Variants in APBB2 observed in about 807,000 individuals in gnomAD.
APBB2 encodes amyloid beta precursor protein binding family B member 2.
APBB2 carries 38 observed loss-of-function variants against 82.5 expected under a neutral mutation model. The observed-to-expected ratio is 0.46, with a 90% CI of 0.36 to 0.60. The LOEUF is 0.60. Ranked by LOEUF, APBB2 falls within the 20% of genes least tolerant of loss-of-function variation. APBB2 has a pLI of 0.00. For missense variants in APBB2, 772 were observed against 972.3 expected, an observed-to-expected ratio of 0.79 and a Z score of 2.74; for synonymous variants, 341 against 368.2, an observed-to-expected ratio of 0.93 and a Z score of 0.85.
chr4:41,064,361 C>G lies in APBB2; in HGVS notation c.-51+1215G>C, dbSNP rs529886547. On this transcript the variant is annotated intron_variant, in intron 4 of 17. Transcript: ENST00000508593. ...CATAACTTTCCTATAAAGAAAAAAA[C>G]TGAGCTGCACAAGGTAATAGGACTT... Among the ~76,000 whole-genome samples, 13 of 152,240 alleles carry G rather than the reference C, an allele frequency of 8.5e-5. No homozygotes were observed. In the South Asian group the frequency reaches 2.7e-3, roughly 32 times the overall value.
chr4:41,065,349 G>A (rs1051956982), intron 4 of APBB2, among the ~76,000 whole-genome samples: 2 of 152,088 alleles, frequency 1.3e-5, no homozygotes, highest in African/African-American at 4.8e-5. Context: ...GGAGATTGTT[G>A]ACATACACTT....
At chr4:41,202,145 G>A (rs1776852516) in intron 1 of APBB2, among the ~76,000 whole-genome samples, 1 of 152,162 alleles carries the variant, frequency 6.6e-6, no homozygotes, top group African/African-American at 2.4e-5. Flanking sequence ...GTTGTACAAT[G>A]ATCACCACCA....
intron 12 of APBB2, among the ~76,000 whole-genome samples, chr4:40,839,480 A>C (rs1364118944): frequency 6.6e-6 from 1 of 152,056 alleles, no homozygotes; most frequent in Non-Finnish European, 1.5e-5. Context: ...ATTTGATAAC[A>C]TCTTTCACAT....
At chr4:41,012,617 T>C (rs1256928422) in intron 6 of APBB2, among the ~76,000 whole-genome samples, 3 of 152,196 alleles carry the variant, frequency 2.0e-5, no homozygotes, top group Admixed American at 6.5e-5. Flanking sequence ...CTTTTCCTTA[T>C]CTTTAGTCCT....
At chr4:41,178,211 AT>A (rs990981566) in intron 1 of APBB2, among the ~76,000 whole-genome samples, 5 of 152,220 alleles carry the variant, frequency 3.3e-5, no homozygotes, top group South Asian at 2.1e-4. Flanking sequence ...GTAAAGAAAA[AT>A]ATACATATAT....
intron 6 of APBB2, among the ~76,000 whole-genome samples, chr4:41,000,048 T>A (rs954236423): frequency 8.1e-6 from 1 of 123,086 alleles, no homozygotes; most frequent in African/African-American, 3.0e-5. Context: ...TGTGTGTATG[T>A]ATATGTATAT....
chr4:40,934,414 C>T (rs1451805953), intron 10 of APBB2, 42 bp downstream of exon 10: 1 of 1,578,100 alleles, frequency 6.3e-7, no homozygotes, highest in African/African-American at 1.3e-5. Context: ...TTATTTGGAT[C>T]TAAGAATATA....
At chr4:40,916,288 G>A (rs1472733070) in intron 10 of APBB2, among the ~76,000 whole-genome samples, 1 of 152,166 alleles carries the variant, frequency 6.6e-6, no homozygotes, top group Non-Finnish European at 1.5e-5. Context: ...ATCTGAGGAG[G>A]AGACATCTCT....
intron 12 of APBB2, among the ~76,000 whole-genome samples, chr4:40,875,129 G>C (rs994764753): frequency 6.6e-6 from 1 of 152,174 alleles, no homozygotes; most frequent in East Asian, 1.9e-4. Context: ...ACATCGTGGG[G>C]TTTGGCTCCA....
intron 2 of APBB2, among the ~76,000 whole-genome samples, chr4:41,103,513 T>C (rs1746146453): frequency 6.6e-6 from 1 of 152,110 alleles, no homozygotes. Context: ...CAATGGATAG[T>C]TTTTTAAAAT....
intron 1 of APBB2, among the ~76,000 whole-genome samples, chr4:41,154,517 T>C (rs1425261961): frequency 6.6e-6 from 1 of 152,204 alleles, no homozygotes; most frequent in African/African-American, 2.4e-5. Flanking sequence ...TTTTATTCTC[T>C]ATGGACTGTA....
At chr4:40,904,138 T>C (rs1776070360) in intron 10 of APBB2, among the ~76,000 whole-genome samples, 1 of 152,102 alleles carries the variant, frequency 6.6e-6, no homozygotes, top group African/African-American at 2.4e-5. Context: ...CACTGAGAAA[T>C]ACGGCAATTA....
intron 1 of APBB2, among the ~76,000 whole-genome samples, chr4:41,204,943 T>G (rs1017640179): frequency 6.6e-6 from 1 of 152,234 alleles, no homozygotes; most frequent in African/African-American, 2.4e-5. Flanking sequence ...TCTGATCTGT[T>G]GAGTGATGTC....
At chr4:40,841,717 C>T (rs1755872129) in intron 12 of APBB2, among the ~76,000 whole-genome samples, 1 of 152,152 alleles carries the variant, frequency 6.6e-6, no homozygotes, top group African/African-American at 2.4e-5. Context: ...ATCCCTCTGT[C>T]ACCCTGGCTG....
chr4:40,882,030 C>T (rs568466000), intron 12 of APBB2, among the ~76,000 whole-genome samples: 15 of 152,282 alleles, frequency 9.9e-5, no homozygotes, highest in South Asian at 2.1e-4. Context: ...GGACAGACTG[C>T]GCTGTGTGAG....
intron 6 of APBB2, among the ~76,000 whole-genome samples, chr4:40,983,581 CT>C (rs11477584): frequency 0.97 from 143,354 of 148,252 alleles, 69,348 homozygotes; most frequent in Middle Eastern, 0.99. Context: ...TTAATTATGA[CT>C]TTTTTTTTTT....
intron 2 of APBB2, among the ~76,000 whole-genome samples, chr4:41,123,478 T>G (rs947673231): frequency 1.3e-5 from 2 of 152,132 alleles, no homozygotes; most frequent in African/African-American, 4.8e-5. Flanking sequence ...CATGAGGATA[T>G]TCCACCCTGC....
At chr4:41,214,161 C>G (rs1780056137) in intron 1 of APBB2, among the ~76,000 whole-genome samples, 1 of 152,136 alleles carries the variant, frequency 6.6e-6, no homozygotes, top group Non-Finnish European at 1.5e-5. Flanking sequence ...GCGGCGCGGG[C>G]GCAGGGCGCA....
intron 5 of APBB2, among the ~76,000 whole-genome samples, chr4:41,018,452 C>G (rs1427116073): frequency 6.6e-6 from 1 of 152,114 alleles, no homozygotes; most frequent in African/African-American, 2.4e-5. Flanking sequence ...CTGAACAAAT[C>G]AAGACATGAA....
Sources: gnomAD v4.1 joint callset for allele counts (sites outside exome capture counted in the v4.1 genomes callset) on GRCh38, gnomAD v4.1.1 for gene constraint, MANE v1.5 for transcripts, NCBI Gene and HGNC (gene_info 2026-07-23, HGNC 2026-07-21) for gene names.